The following KBTBD2 variants were observed in gnomAD, a reference collection of about 807,000 sequenced individuals.
The protein encoded by KBTBD2 is kelch repeat and BTB domain-containing protein 2.
Under a neutral mutation model 57.1 loss-of-function variants are expected in KBTBD2, and 17 were observed. The observed-to-expected ratio is 0.30, with a 90% CI of 0.20 to 0.45. The LOEUF is 0.45. KBTBD2 is among the 20% of genes least tolerant of loss of function. The pLI is 1.00. For missense variants in KBTBD2, 515 were observed against 750.6 expected, an observed-to-expected ratio of 0.69 and a Z score of 3.67; for synonymous variants, 267 against 262.7, an observed-to-expected ratio of 1.02 and a Z score of -0.16.
At chr7:32,885,348 T>A (rs751782732) in intron 1 of KBTBD2, among the ~76,000 whole-genome samples, 2 of 151,952 alleles carry the variant, frequency 1.3e-5, no homozygotes, top group Non-Finnish European at 2.9e-5. Context: ...TATTCCACTT[T>A]TCTTCTCAAC....
chr7:32,884,966 GTATGTGTGTGTATATATATATATACACA>G (rs1562537431), intron 1 of KBTBD2, among the ~76,000 whole-genome samples: 1 of 128,818 alleles, frequency 7.8e-6, no homozygotes, highest in Non-Finnish European at 1.6e-5. Flanking sequence ...ATATATGTGT[GTATGTGTGTGTATATATATATATACACA>G]TATATGTGTA....
intron 1 of KBTBD2, chr7:32,891,183 G>A (rs1364785162): frequency 1.3e-5 from 2 of 150,992 alleles, no homozygotes; most frequent in East Asian, 1.9e-4. Context: ...CGGTAAGGGC[G>A]GGCGCGAGCC....
In KBTBD2 at chr7:32,891,759, C is replaced by T. The variant is rs1055046785; in HGVS notation, c.-562G>A. 6.6e-6 allele frequency: 1 copy of T among 151,910 alleles called. No individual in the cohort carries two copies. The highest frequency in any genetic ancestry group is 6.6e-5 in the Admixed American group (1 of 15,206). 9.4% of individuals were successfully genotyped at this position (151,910 alleles called of 1,614,324 possible). A position where few individuals can be genotyped will look rare whatever the true frequency, so the allele number is the denominator to read the frequency against. ...CGTCCAGCGCGGAAAGCAGCGTCCT[C>T]TGCGGGCGCCGCCGCACGCTCCTCA... On this transcript the variant is annotated 5_prime_UTR_variant, in exon 1 of 4. Transcript: ENST00000304056.
At chr7:32,891,017 T>A (rs1784720391) in intron 1 of KBTBD2, 1 of 152,204 alleles carries the variant, frequency 6.6e-6, no homozygotes. Flanking sequence ...CTTTCTTTTT[T>A]AAGTCGATAT....
intron 1 of KBTBD2, among the ~76,000 whole-genome samples, chr7:32,882,515 CAA>C (rs1784470050): frequency 6.6e-6 from 1 of 152,114 alleles, no homozygotes; most frequent in African/African-American, 2.4e-5. Context: ...TAAAAAAGTA[CAA>C]AGTCATACTC....
chr7:32,891,501 T>TC (rs1784741443), intron 1 of KBTBD2, 35 bp downstream of exon 1: 1 of 148,008 alleles, frequency 6.8e-6, no homozygotes, highest in African/African-American at 2.5e-5. Context: ...CGCCGCGGGC[T>TC]CCCAGCCTGC....
chr7:32,871,994 C>T lies in KBTBD2; in HGVS notation c.337-1114G>A, dbSNP rs570292351. 3.9e-5 allele frequency among the ~76,000 whole-genome samples: 6 copies of T among 152,270 alleles called. No homozygotes were observed. In the South Asian group the frequency reaches 1.2e-3, roughly 32 times the overall value. On this transcript the variant is annotated intron_variant, in intron 3 of 3. Coordinates refer to ENST00000304056, the MANE Select transcript of KBTBD2 (RefSeq NM_015483.3). Reference sequence around the variant, plus strand: ...CTGGAATCAGATTTTCTTAAAATTCCTTAATGCCTTAGTAATTCTGAGAAA... The same window carrying T: ...CTGGAATCAGATTTTCTTAAAATTCTTTAATGCCTTAGTAATTCTGAGAAA...
chr7:32,885,057 T>TA (rs1286321248), intron 1 of KBTBD2, among the ~76,000 whole-genome samples: 3 of 148,720 alleles, frequency 2.0e-5, no homozygotes, highest in Non-Finnish European at 4.4e-5. Context: ...TTTTTTTTTT[T>TA]AAGAGACAGG....
chr7:32,888,674 G>A (rs1456893224), intron 1 of KBTBD2, among the ~76,000 whole-genome samples: 1 of 146,188 alleles, frequency 6.8e-6, no homozygotes, highest in African/African-American at 2.5e-5. Flanking sequence ...CAGCCTGGGC[G>A]ACACAGCGAG....
chr7:32,890,285 G>A (rs1784697722), intron 1 of KBTBD2, among the ~76,000 whole-genome samples: 1 of 152,114 alleles, frequency 6.6e-6, no homozygotes, highest in South Asian at 2.1e-4. Flanking sequence ...GAAGAAGTAA[G>A]CTTAACATTA....
At chr7:32,880,503 G>A (rs1042124760) in intron 1 of KBTBD2, among the ~76,000 whole-genome samples, 1 of 151,078 alleles carries the variant, frequency 6.6e-6, no homozygotes, top group Non-Finnish European at 1.5e-5. Flanking sequence ...TTTCTTTGTG[G>A]AGTGGTTCTT....
intron 3 of KBTBD2, among the ~76,000 whole-genome samples, chr7:32,873,238 T>C (rs1418437507): frequency 6.6e-6 from 1 of 152,134 alleles, no homozygotes; most frequent in Non-Finnish European, 1.5e-5. Flanking sequence ...CATACATAAA[T>C]ATATCAACCA....
intron 1 of KBTBD2, among the ~76,000 whole-genome samples, chr7:32,890,555 T>C (rs865961575): frequency 3.4e-4 from 51 of 152,166 alleles, no homozygotes; most frequent in African/African-American, 1.2e-3. Flanking sequence ...AAATATCATT[T>C]TGGTCAGTGC....
At chr7:32,880,657 C>G (rs1463353160) in intron 1 of KBTBD2, among the ~76,000 whole-genome samples, 10 of 151,998 alleles carry the variant, frequency 6.6e-5, no homozygotes, top group Admixed American at 2.0e-4. Context: ...TAATACAAAT[C>G]CAATCTAAAT....
chr7:32,888,049 T>A (rs1784623869), intron 1 of KBTBD2, among the ~76,000 whole-genome samples: 1 of 152,252 alleles, frequency 6.6e-6, no homozygotes, highest in African/African-American at 2.4e-5. Context: ...AAGATTCCAA[T>A]TTCAAGGTCT....
chr7:32,869,114 C>T lies in KBTBD2; in HGVS notation c.*231G>A, dbSNP rs2127946695. ...AGATTCTTATACTCTCATGATTACA[C>T]ATAAAGTTTCTCAATTATTGAATAA... On this transcript the variant is annotated 3_prime_UTR_variant, in exon 4 of 4. Coordinates refer to ENST00000304056, the MANE Select transcript of KBTBD2 (RefSeq NM_015483.3). 1 of 435,720 alleles carries T rather than the reference C, an allele frequency of 2.3e-6. No individual in the cohort carries two copies. The highest frequency in any genetic ancestry group is 4.0e-5 in the Admixed American group (1 of 24,692). The allele number at this position is 435,720 out of a possible 1,614,324, so 27.0% of individuals were successfully genotyped here. A position where few individuals can be genotyped will look rare whatever the true frequency, so the allele number is the denominator to read the frequency against.
At chr7:32,889,554 T>C (rs1172086384) in intron 1 of KBTBD2, among the ~76,000 whole-genome samples, 1 of 152,130 alleles carries the variant, frequency 6.6e-6, no homozygotes, top group Non-Finnish European at 1.5e-5. Context: ...TGAGCCGAGA[T>C]CGTGACACTG....
intron 1 of KBTBD2, among the ~76,000 whole-genome samples, chr7:32,881,382 C>A (rs1235393116): frequency 6.6e-6 from 1 of 152,106 alleles, no homozygotes; most frequent in East Asian, 1.9e-4. Context: ...AATATGTTAA[C>A]TATAAAAACT....
At position 32,879,654 on chromosome 7, in the gene KBTBD2, A is replaced by G. The variant is rs376828273; in HGVS notation, c.-50T>C. 145 of 1,492,214 alleles carry G rather than the reference A, an allele frequency of 9.7e-5. No individual in the cohort carries two copies. The highest frequency in any genetic ancestry group is 1.3e-4 in the Non-Finnish European group (138 of 1,081,110). The allele number at this position is 1,492,214 out of a possible 1,614,324, so 92.4% of individuals were successfully genotyped here. A position where few individuals can be genotyped will look rare whatever the true frequency, so the allele number is the denominator to read the frequency against. The stretch of plus-strand genomic sequence containing the variant: ...GGAACAGATTAGAAAAGTCCGTCTT[A>G]CTGATGGAAGGTCAAGTGAATACTT... On this transcript the variant is annotated 5_prime_UTR_variant, in exon 2 of 4. Coordinates refer to ENST00000304056, the MANE Select transcript of KBTBD2 (RefSeq NM_015483.3).
Sources: gnomAD v4.1 joint callset for allele counts (sites outside exome capture counted in the v4.1 genomes callset) on GRCh38, gnomAD v4.1.1 for gene constraint, MANE v1.5 for transcripts, NCBI Gene and HGNC (gene_info 2026-07-23, HGNC 2026-07-21) for gene names.